Variants in ADD3 observed in about 807,000 individuals in gnomAD.
The protein encoded by ADD3 is adducin 3.
In ADD3, 25 loss-of-function variants were observed where a neutral mutation model predicts 80.2. That is an observed-to-expected ratio of 0.31 (90% confidence interval 0.23 to 0.44). The LOEUF (loss-of-function observed/expected upper bound fraction) is 0.44, where lower values mean the gene tolerates loss of function less well. Ranked by LOEUF, ADD3 falls within the 20% of genes least tolerant of loss-of-function variation. ADD3 has a pLI of 1.00. For missense variants in ADD3, 829 were observed against 847.5 expected (o/e 0.98, Z 0.27); for synonymous variants, 284 against 289.6 (o/e 0.98, Z 0.20).
At chr10:110,023,770 TG>T (rs1261565978) in intron 1 of ADD3, among the ~76,000 whole-genome samples, 1 of 152,242 alleles carries the variant, frequency 6.6e-6, no homozygotes, top group African/African-American at 2.4e-5. Flanking sequence ...TTTTCATTTA[TG>T]AATTTGGAAG....
chr10:110,074,599 A>G (rs1294174249), intron 1 of ADD3, among the ~76,000 whole-genome samples: 1 of 151,906 alleles, frequency 6.6e-6, no homozygotes, highest in Non-Finnish European at 1.5e-5. Flanking sequence ...ATCTTAAACA[A>G]AGCTAAAATA....
upstream of ADD3, among the ~76,000 whole-genome samples, chr10:110,003,302 G>GGTGTGTGTGTGTGTGT (rs1554893815): frequency 1.3e-3 from 191 of 147,016 alleles, 1 homozygote; most frequent in African/African-American, 4.6e-3. Flanking sequence ...GAACAGTAAG[G>GGTGTGTGTGTGTGTGT]GTGTGTGTGT....
intron 1 of ADD3, among the ~76,000 whole-genome samples, chr10:110,088,857 T>G (rs1847129231): frequency 6.6e-6 from 1 of 152,202 alleles, no homozygotes; most frequent in Non-Finnish European, 1.5e-5. Context: ...TCACAATGAC[T>G]GTATTAGGAA....
intron 1 of ADD3, among the ~76,000 whole-genome samples, chr10:110,036,720 T>C (rs1021080866): frequency 1.2e-4 from 19 of 152,172 alleles, no homozygotes; most frequent in Non-Finnish European, 7.4e-5. Context: ...GTAGATACTT[T>C]CACTCTCTGA....
At chr10:110,111,050 G>A (rs1039301657) in intron 2 of ADD3, among the ~76,000 whole-genome samples, 6 of 152,090 alleles carry the variant, frequency 3.9e-5, no homozygotes, top group Middle Eastern at 3.4e-3. Flanking sequence ...CCATCTAAGC[G>A]GAGATTCCAG....
At chr10:110,091,978 T>C (rs955169553) in intron 1 of ADD3, among the ~76,000 whole-genome samples, 3 of 152,066 alleles carry the variant, frequency 2.0e-5, no homozygotes, top group Admixed American at 1.3e-4. Context: ...AACATGCATA[T>C]GGAAAAATGC....
At chr10:110,128,972 T>G (rs1431716064) in intron 12 of ADD3, among the ~76,000 whole-genome samples, 1 of 152,166 alleles carries the variant, frequency 6.6e-6, no homozygotes, top group Non-Finnish European at 1.5e-5. Context: ...TGATTGGATG[T>G]GGACCAGGTT....
chr10:110,064,252 G>T (rs969114776), intron 1 of ADD3, among the ~76,000 whole-genome samples: 1 of 152,144 alleles, frequency 6.6e-6, no homozygotes, highest in Non-Finnish European at 1.5e-5. Context: ...TCTTTTGAGT[G>T]TATTTCTGGG....
intron 1 of ADD3, among the ~76,000 whole-genome samples, chr10:110,095,697 C>T (rs557239064): frequency 2.0e-4 from 31 of 152,082 alleles, no homozygotes; most frequent in African/African-American, 6.8e-4. Context: ...TAGTCAAAGA[C>T]GAGAAATAAC....
At chr10:110,087,213 G>C (rs759873093) in intron 1 of ADD3, among the ~76,000 whole-genome samples, 5 of 151,972 alleles carry the variant, frequency 3.3e-5, no homozygotes, top group Non-Finnish European at 5.9e-5. Context: ...ATTTTTAGTA[G>C]GGATGGAGTT....
At chr10:110,076,171 T>C (rs908937629) in intron 1 of ADD3, among the ~76,000 whole-genome samples, 1 of 152,224 alleles carries the variant, frequency 6.6e-6, no homozygotes, top group Admixed American at 6.5e-5. Flanking sequence ...AGGAATTCAA[T>C]TAAAAATAAC....
rs74403495 is a variant in ADD3 at position 110,074,265 on chromosome 10, T to C, written c.-29-26360T>C. On this transcript the variant is annotated intron_variant, in intron 1 of 14. Transcript: ENST00000356080. ...TCAAACTTTGTGACTTCGGGATTCA[T>C]AGCACTTTAGTTGGAGACAGTTTCT... 1.3e-3 allele frequency among the ~76,000 whole-genome samples: 193 copies of C among 152,354 alleles called. 4 individuals are homozygous for C. In the East Asian group the frequency reaches 0.03, roughly 24 times the overall value.
At chr10:110,007,744 G>C (rs1050114142), upstream of ADD3, among the ~76,000 whole-genome samples, 1 of 152,130 alleles carries the variant, frequency 6.6e-6, no homozygotes, top group East Asian at 1.9e-4. Context: ...GCGGGGGCGG[G>C]ACCAGGACTC....
At chr10:110,032,998 G>GT (rs979476769) in intron 1 of ADD3, among the ~76,000 whole-genome samples, 5 of 152,184 alleles carry the variant, frequency 3.3e-5, no homozygotes, top group Non-Finnish European at 7.3e-5. Flanking sequence ...AAAAGAGACA[G>GT]TGGCAGCCTT....
intron 1 of ADD3, among the ~76,000 whole-genome samples, chr10:110,031,800 T>G (rs1310128049): frequency 6.6e-6 from 1 of 152,126 alleles, no homozygotes; most frequent in Non-Finnish European, 1.5e-5. Flanking sequence ...GTATGTATTA[T>G]CTAAAACATG....
chr10:110,054,997 G>C (rs767148517), intron 1 of ADD3, among the ~76,000 whole-genome samples: 1 of 152,036 alleles, frequency 6.6e-6, no homozygotes, highest in African/African-American at 2.4e-5. Flanking sequence ...TCCTGACCTC[G>C]TGATCCGCCT....
intron 2 of ADD3, among the ~76,000 whole-genome samples, chr10:110,111,462 C>T (rs1300337408): frequency 6.6e-6 from 1 of 152,188 alleles, no homozygotes; most frequent in Non-Finnish European, 1.5e-5. Context: ...TTGAACCATA[C>T]TAGTAACTCG....
intron 1 of ADD3, among the ~76,000 whole-genome samples, chr10:110,049,670 G>C (rs193001810): frequency 6.6e-6 from 1 of 152,134 alleles, no homozygotes; most frequent in African/African-American, 2.4e-5. Flanking sequence ...GGCAGGTCAC[G>C]AGGTCAGGAG....
intron 4 of ADD3, among the ~76,000 whole-genome samples, chr10:110,117,060 G>A (rs1384007418): frequency 1.3e-5 from 2 of 152,050 alleles, no homozygotes; most frequent in Admixed American, 6.5e-5. Flanking sequence ...AATAATATTA[G>A]CATTTATTTT....
Sources: gnomAD v4.1 joint callset for allele counts (sites outside exome capture counted in the v4.1 genomes callset) on GRCh38, gnomAD v4.1.1 for gene constraint, MANE v1.5 for transcripts, NCBI Gene and HGNC (gene_info 2026-07-23, HGNC 2026-07-21) for gene names.